The following PEX3 variants were observed in gnomAD, a reference collection of about 807,000 sequenced individuals.
The protein encoded by PEX3 is peroxisomal biogenesis factor 3.
In PEX3, 30 loss-of-function variants were observed where a neutral mutation model predicts 55.8. The observed-to-expected ratio is 0.54, with a 90% CI of 0.40 to 0.73. The LOEUF (loss-of-function observed/expected upper bound fraction) is 0.73, where lower values mean the gene tolerates loss of function less well. Among genes scored for constraint, PEX3 ranks in the 30% least tolerant of loss-of-function variants. The pLI is 0.00. For synonymous variants in PEX3, 135 were observed against 148.4 expected, an observed-to-expected ratio of 0.91 and a Z score of 0.66; for missense variants, 351 against 432.8, an observed-to-expected ratio of 0.81 and a Z score of 1.68.
chr6:143,463,645 G>A lies in PEX3; in HGVS notation c.287+648G>A, dbSNP rs955965056. Among the ~76,000 whole-genome samples, 8 of 151,762 alleles carry A rather than the reference G, an allele frequency of 5.3e-5. No individual in the cohort carries two copies. The highest frequency in any genetic ancestry group is 5.2e-4 in the Admixed American group (8 of 15,246). ...TTATTTTGATGACAATGATGGGAGG[G>A]TGGGCAGGGAAATGGTTTCACTAAA... On this transcript the variant is annotated intron_variant, in intron 3 of 11. Coordinates refer to ENST00000367591, the MANE Select transcript of PEX3 (RefSeq NM_003630.3). This position sits in a 1 kb window ranked among gnomAD's most constrained non-coding sequence, Gnocchi z 5.7.
At chr6:143,468,197 C>T (rs1584008443) in intron 4 of PEX3, 32 bp downstream of exon 4, 2 of 1,424,384 alleles carry the variant, frequency 1.4e-6, no homozygotes, top group East Asian at 4.6e-5. Context: ...GACAGCACAT[C>T]CTTAAAATAT....
rs1562652598 is a variant in PEX3, at chr6:143,463,904, A to AT, written c.287+914dup. The stretch of plus-strand genomic sequence containing the variant: ...AGACAGGCTACATAACAAGTGGGGA[A>AT]TTTTTTTAAAAACACTTACTATATT... On this transcript the variant is annotated intron_variant, in intron 3 of 11. Coordinates refer to ENST00000367591, the MANE Select transcript of PEX3 (RefSeq NM_003630.3). The surrounding 1 kb of genome is among the most constrained non-coding windows in gnomAD (Gnocchi z 5.7). Among the ~76,000 whole-genome samples, 1 of 152,034 alleles carries AT rather than the reference A, an allele frequency of 6.6e-6. No individual in the cohort carries two copies. The highest frequency in any genetic ancestry group is 2.4e-5 in the African/African-American group (1 of 41,402).
rs1266533972 is a variant in PEX3 at position 143,478,200 on chromosome 6, A to G, written c.819-876A>G. Among the ~76,000 whole-genome samples, 5 of 152,240 alleles carry G rather than the reference A, an allele frequency of 3.3e-5. No homozygotes were observed. The East Asian group carries it at 7.7e-4, about 24-fold the overall frequency. On this transcript the variant is annotated intron_variant, in intron 9 of 11. Coordinates refer to ENST00000367591, the MANE Select transcript of PEX3 (RefSeq NM_003630.3). ...CACATATGTATGACTGTTTCTATGA[A>G]ATGTCCAGAAAACTATATAGACCAA...
In PEX3 at chr6:143,450,810, G is replaced by A; in HGVS notation, c.-233G>A. On this transcript the variant is annotated 5_prime_UTR_variant, in exon 1 of 12. Transcript: ENST00000367591. ...GGACCTGGGCTTGTCGGACCAGTGA[G>A]CGGCGGCGGCTGCGCGGCGGCAGCG... 2.4e-6 allele frequency: 2 copies of A among 840,106 alleles called. No individual in the cohort carries two copies. Among genetic ancestry groups the A allele is most frequent in the South Asian group, 1.6e-5 (1 of 64,310 alleles). 52.0% of individuals were successfully genotyped at this position (840,106 alleles called of 1,614,324 possible). A position where few individuals can be genotyped will look rare whatever the true frequency, so the allele number is the denominator to read the frequency against.
At chr6:143,474,296 A>G (rs1428065363) in intron 8 of PEX3, among the ~76,000 whole-genome samples, 1 of 151,938 alleles carries the variant, frequency 6.6e-6, no homozygotes, top group African/African-American at 2.4e-5. Context: ...AAAAATACAA[A>G]TAAAAATACA....
At position 143,453,361 on chromosome 6, in the gene PEX3, A is replaced by G. The variant is rs1410105710; in HGVS notation, c.73+2246A>G. ...TTGGGCATTCAATAGTGGGGGAAGTAAGTAAGTAAAACCTTGAGTAGCAGG... is the reference window on the plus strand; with the variant it reads ...TTGGGCATTCAATAGTGGGGGAAGTGAGTAAGTAAAACCTTGAGTAGCAGG... On this transcript the variant is annotated intron_variant, in intron 1 of 11. Coordinates refer to ENST00000367591, the MANE Select transcript of PEX3 (RefSeq NM_003630.3). The surrounding 1 kb of genome is among the most constrained non-coding windows in gnomAD (Gnocchi z 4.6). 1.3e-5 allele frequency among the ~76,000 whole-genome samples: 2 copies of G among 152,166 alleles called. No homozygotes were observed. The highest frequency in any genetic ancestry group is 6.5e-5 in the Admixed American group (1 of 15,278).
At chr6:143,473,783 G>A (rs975063156) in intron 8 of PEX3, among the ~76,000 whole-genome samples, 1 of 151,768 alleles carries the variant, frequency 6.6e-6, no homozygotes, top group African/African-American at 2.4e-5. Flanking sequence ...GAGGAGGAAG[G>A]ATTTTTTAAG....
chr6:143,478,607 AG>A (rs558389186), intron 9 of PEX3, among the ~76,000 whole-genome samples: 46 of 152,192 alleles, frequency 3.0e-4, no homozygotes, highest in Non-Finnish European at 6.2e-4. Context: ...AGTATAATTA[AG>A]ATCAAAAAAC....
At chr6:143,468,210 A>C (rs778773177) in intron 4 of PEX3, 45 bp downstream of exon 4, 2 of 1,278,416 alleles carry the variant, frequency 1.6e-6, no homozygotes, top group South Asian at 2.4e-5. Flanking sequence ...TAAAATATTT[A>C]TAAAGGGAAA....
In PEX3 at chr6:143,465,448, A is replaced by G. The variant is rs906504910; in HGVS notation, c.287+2451A>G. 1.3e-5 allele frequency among the ~76,000 whole-genome samples: 2 copies of G among 151,848 alleles called. No homozygotes were observed. Among genetic ancestry groups the G allele is most frequent in the Non-Finnish European group, 2.9e-5 (2 of 67,884 alleles). The stretch of plus-strand genomic sequence containing the variant: ...TCGTTTGGTTTTGGTTTTTTTTTAG[A>G]TAGAGTCTTACTCTGTCGCCCAAGC... On this transcript the variant is annotated intron_variant, in intron 3 of 11. Coordinates refer to ENST00000367591, the MANE Select transcript of PEX3 (RefSeq NM_003630.3). This position sits in a 1 kb window ranked among gnomAD's most constrained non-coding sequence, Gnocchi z 4.7.
At chr6:143,478,648 A>G (rs1379040809) in intron 9 of PEX3, among the ~76,000 whole-genome samples, 8 of 152,080 alleles carry the variant, frequency 5.3e-5, no homozygotes, top group African/African-American at 1.9e-4. Context: ...TCCCCAATTT[A>G]CTAATCACAG....
Position 143,463,988 on chromosome 6 carries a change from T to C in PEX3, c.287+991T>C, listed in dbSNP as rs1779958057. On this transcript the variant is annotated intron_variant, in intron 3 of 11. Coordinates refer to ENST00000367591, the MANE Select transcript of PEX3 (RefSeq NM_003630.3). The surrounding 1 kb of genome is among the most constrained non-coding windows in gnomAD (Gnocchi z 5.7). Reference sequence around the variant, plus strand: ...TGTACTTGAGATTTCTTTTATCTGATTAAAACAGAATGCTAGTGATGGGGG... The same window carrying C: ...TGTACTTGAGATTTCTTTTATCTGACTAAAACAGAATGCTAGTGATGGGGG... Among the ~76,000 whole-genome samples, 1 of 152,128 alleles carries C rather than the reference T, an allele frequency of 6.6e-6. No individual in the cohort carries two copies. Among genetic ancestry groups the C allele is most frequent in the South Asian group, 2.1e-4 (1 of 4,830 alleles).
In PEX3 at chr6:143,479,976, T is replaced by A. The variant is rs1454494511; in HGVS notation, c.941+778T>A. Among the ~76,000 whole-genome samples, 2 of 152,192 alleles carry A rather than the reference T, an allele frequency of 1.3e-5. No individual in the cohort carries two copies. The highest frequency in any genetic ancestry group is 4.8e-5 in the African/African-American group (2 of 41,564). On this transcript the variant is annotated intron_variant, in intron 10 of 11. Transcript: ENST00000367591. This position sits in a 1 kb window ranked among gnomAD's most constrained non-coding sequence, Gnocchi z 4.6. ...TGAAGTAGCTTTAAAATTTTTTTTTTAATTGGGGACACAGTAATTGATAGG... is the reference window on the plus strand; with the variant it reads ...TGAAGTAGCTTTAAAATTTTTTTTTAAATTGGGGACACAGTAATTGATAGG...
At position 143,485,965 on chromosome 6, in the gene PEX3, C is replaced by T. The variant is rs1400107977; in HGVS notation, c.1038+717C>T. 6.6e-6 allele frequency among the ~76,000 whole-genome samples: 1 copy of T among 152,084 alleles called. No individual in the cohort carries two copies. Among genetic ancestry groups the T allele is most frequent in the Non-Finnish European group, 1.5e-5 (1 of 67,994 alleles). ...TGTACAATGAGAAGAGACCCTATGG[C>T]CTAAGCATAAAGCTGACATCTTCTT... On this transcript the variant is annotated intron_variant, in intron 11 of 11. Coordinates refer to ENST00000367591, the MANE Select transcript of PEX3 (RefSeq NM_003630.3). This position sits in a 1 kb window ranked among gnomAD's most constrained non-coding sequence, Gnocchi z 5.6.
Position 143,463,012 on chromosome 6 carries a change from C to CAT in PEX3, c.287+16_287+17insTA. The CAT allele has an allele frequency of 1.3e-6, 2 of 1,584,878 alleles. No homozygotes were observed. The highest frequency in any genetic ancestry group is 1.7e-6 in the Non-Finnish European group (2 of 1,153,534). On this transcript the variant is annotated intron_variant, in intron 3 of 11. Transcript: ENST00000367591. This position sits in a 1 kb window ranked among gnomAD's most constrained non-coding sequence, Gnocchi z 5.7. The stretch of plus-strand genomic sequence containing the variant: ...CTAAAAAACAGGTAAATGCAAGTTA[C>CAT]AGCATTTTCTGTTTAAGCACTACAC...
intron 10 of PEX3, chr6:143,484,889 A>G: frequency 2.4e-6 from 1 of 420,186 alleles, no homozygotes; most frequent in Non-Finnish European, 4.4e-6. Context: ...AACAATAAAA[A>G]TGCAAAAACA....
At position 143,459,047 on chromosome 6, in the gene PEX3, G is replaced by A. The variant is rs1325575093; in HGVS notation, c.74-38G>A. 2 of 1,403,948 alleles carry A rather than the reference G, an allele frequency of 1.4e-6. No homozygotes were observed. Among genetic ancestry groups the A allele is most frequent in the South Asian group, 1.2e-5 (1 of 85,844 alleles). 87.0% of individuals were successfully genotyped at this position (1,403,948 alleles called of 1,614,324 possible). A position where few individuals can be genotyped will look rare whatever the true frequency, so the allele number is the denominator to read the frequency against. On this transcript the variant is annotated intron_variant, in intron 1 of 11. Coordinates refer to ENST00000367591, the MANE Select transcript of PEX3 (RefSeq NM_003630.3). The surrounding 1 kb of genome is among the most constrained non-coding windows in gnomAD (Gnocchi z 4.2). The stretch of plus-strand genomic sequence containing the variant: ...TTAAAAATACTGTGTAGAATTTTTG[G>A]TACTCTAATGAATATAGTACTTTTT...
At position 143,479,966 on chromosome 6, in the gene PEX3, A is replaced by T. The variant is rs982361289; in HGVS notation, c.941+768A>T. 3.3e-5 allele frequency among the ~76,000 whole-genome samples: 5 copies of T among 150,630 alleles called. No homozygotes were observed. The highest frequency in any genetic ancestry group is 1.3e-4 in the Admixed American group (2 of 15,096). ...ACACATCCTTTGAAGTAGCTTTAAA[A>T]TTTTTTTTTTAATTGGGGACACAGT... On this transcript the variant is annotated intron_variant, in intron 10 of 11. Coordinates refer to ENST00000367591, the MANE Select transcript of PEX3 (RefSeq NM_003630.3). The surrounding 1 kb of genome is among the most constrained non-coding windows in gnomAD (Gnocchi z 4.6).
rs777438053 is a variant in PEX3 at position 143,479,147 on chromosome 6, A to C, written c.890A>C (p.Glu297Ala). Reference sequence around the variant, plus strand: ...AGTAGACTTCTAGACAATATGGCTGAGTTCTTTCGACCTACTGAACAGGAC... The same window carrying C: ...AGTAGACTTCTAGACAATATGGCTGCGTTCTTTCGACCTACTGAACAGGAC... ...GFSRLLDNMA[E>A]FFRPTEQDLQ... Residue 297 changes from glutamate to alanine, a missense_variant, in exon 10 of 12, where the codon GAG (glutamate) becomes GCG (alanine). Glu to Ala is a moderately radical substitution (Grantham distance 107). Transcript: ENST00000367591. This position sits in a 1 kb window ranked among gnomAD's most constrained non-coding sequence, Gnocchi z 4.6. 1 of 1,600,592 alleles carries C rather than the reference A, an allele frequency of 6.2e-7. No homozygotes were observed. Among genetic ancestry groups the C allele is most frequent in the Admixed American group, 1.7e-5 (1 of 59,970 alleles).
Sources: gnomAD v4.1 joint callset for allele counts (sites outside exome capture counted in the v4.1 genomes callset) on GRCh38, gnomAD v4.1.1 for gene constraint, Gnocchi (gnomAD v3.1) non-coding constraint, MANE v1.5 for transcripts, NCBI Gene and HGNC (gene_info 2026-07-23, HGNC 2026-07-21) for gene names.